Variants in FAM91A1 observed in about 807,000 individuals in gnomAD.
The protein encoded by FAM91A1 is protein FAM91A1.
FAM91A1 carries 41 observed loss-of-function variants against 113.5 expected under a neutral mutation model. The observed-to-expected ratio is 0.36, with a 90% CI of 0.28 to 0.47. FAM91A1 has a LOEUF of 0.47. Among genes scored for constraint, FAM91A1 ranks in the 20% least tolerant of loss-of-function variants. The pLI, the probability that FAM91A1 is intolerant of heterozygous loss-of-function variation, is 1.00. For synonymous variants in FAM91A1, 307 were observed against 347.9 expected, an observed-to-expected ratio of 0.88 and a Z score of 1.31; for missense variants, 696 against 1,001.2, an observed-to-expected ratio of 0.70 and a Z score of 4.11.
chr8:123,805,973 T>C (rs1815792641), intron 19 of FAM91A1, 107 bp from the exon 20 acceptor site: 2 of 1,098,032 alleles, frequency 1.8e-6, no homozygotes, highest in Non-Finnish European at 2.4e-6. Context: ...TTATGATGTA[T>C]TAAAGTATAA....
intron 22 of FAM91A1, among the ~76,000 whole-genome samples, chr8:123,809,422 A>G (rs1464919164): frequency 6.6e-6 from 1 of 152,168 alleles, no homozygotes; most frequent in East Asian, 1.9e-4. Flanking sequence ...TTTGTGGTGG[A>G]ATTATGATGA....
At chr8:123,796,639 A>G (rs1393255526) in intron 15 of FAM91A1, among the ~76,000 whole-genome samples, 1 of 151,284 alleles carries the variant, frequency 6.6e-6, no homozygotes, top group Non-Finnish European at 1.5e-5. Context: ...TTTGTATTTT[A>G]GTAGAGACGG....
intron 22 of FAM91A1, among the ~76,000 whole-genome samples, chr8:123,809,526 C>T (rs1411677681): frequency 1.3e-5 from 2 of 152,180 alleles, no homozygotes; most frequent in African/African-American, 2.4e-5. Context: ...TATACCAGCT[C>T]TGATCCATTG....
intron 6 of FAM91A1, 32 bp from the exon 7 acceptor site, chr8:123,779,953 G>A: frequency 6.3e-7 from 1 of 1,579,896 alleles, no homozygotes. Context: ...AATTTGGACA[G>A]AACTTAATTA....
intron 22 of FAM91A1, among the ~76,000 whole-genome samples, chr8:123,809,610 T>C (rs1815900997): frequency 6.6e-6 from 1 of 152,206 alleles, no homozygotes. Flanking sequence ...TATAATTGAA[T>C]CTAATTGTCA....
At chr8:123,801,918 A>G (rs1815692002) in intron 18 of FAM91A1, among the ~76,000 whole-genome samples, 1 of 152,156 alleles carries the variant, frequency 6.6e-6, no homozygotes, top group South Asian at 2.1e-4. Flanking sequence ...ATGAAGTGAC[A>G]TAACATGCCA....
Position 123,787,252 on chromosome 8 carries a change from GT to G in FAM91A1, c.1079-4del. ...CATTTACTTGATTTTAAATTATGGT[GT>G]TTTTCAGCTGACACAGCCAGTGTAA... On this transcript the variant is annotated splice_polypyrimidine_tract_variant and splice_region_variant and intron_variant, in intron 12 of 23. Transcript: ENST00000334705. The G allele has an allele frequency of 6.3e-7, 1 of 1,591,576 alleles. No homozygotes were observed. The highest frequency in any genetic ancestry group is 8.6e-7 in the Non-Finnish European group (1 of 1,165,112).
chr8:123,796,724 T>G (rs1478167403), intron 15 of FAM91A1, among the ~76,000 whole-genome samples: 1 of 148,720 alleles, frequency 6.7e-6, no homozygotes, highest in Non-Finnish European at 1.5e-5. Flanking sequence ...CCCAGAGTAC[T>G]GGGATTACAG....
At position 123,806,131 on chromosome 8, in the gene FAM91A1, A is replaced by G; in HGVS notation, c.1934A>G (p.Asn645Ser). The G allele has an allele frequency of 1.2e-6, 2 of 1,612,824 alleles. No individual in the cohort carries two copies. The highest frequency in any genetic ancestry group is 1.7e-6 in the Non-Finnish European group (2 of 1,179,324). The change falls in exon 20 of 24, where the codon AAC becomes AGC. Residue 645 changes from asparagine to serine, a missense_variant. Physicochemically the swap from Asn to Ser is conservative, Grantham distance 46. Coordinates refer to ENST00000334705, the MANE Select transcript of FAM91A1 (RefSeq NM_144963.4). ...CATAAAGCATTGCAGATACTAAGGA[A>G]CAGAGTGGACTTACAGCATCTCTGT... ...GVHKALQILR[N>S]RVDLQHLCGY...
chr8:123,789,826 T>C lies in FAM91A1; in HGVS notation c.1411+81T>C, dbSNP rs1815342328. 28 of 1,480,766 alleles carry C rather than the reference T, an allele frequency of 1.9e-5. No homozygotes were observed. The South Asian group carries it at 2.3e-4, about 12-fold the overall frequency. 91.7% of individuals were successfully genotyped at this position (1,480,766 alleles called of 1,614,324 possible). A position where few individuals can be genotyped will look rare whatever the true frequency, so the allele number is the denominator to read the frequency against. On this transcript the variant is annotated intron_variant, in intron 15 of 23. Transcript: ENST00000334705. ...AAATTAAACAGATCATGCTCACTTATATAATCATCACTTACGTATTTTGTG... is the reference window on the plus strand; with the variant it reads ...AAATTAAACAGATCATGCTCACTTACATAATCATCACTTACGTATTTTGTG...
In FAM91A1 at chr8:123,801,627, A is replaced by T. The variant is rs181494784; in HGVS notation, c.1809+1742A>T. Among the ~76,000 whole-genome samples, 322 of 152,326 alleles carry T rather than the reference A, an allele frequency of 2.1e-3. 2 individuals are homozygous for T. The highest frequency in any genetic ancestry group is 7.5e-3 in the African/African-American group (311 of 41,562). On this transcript the variant is annotated intron_variant, in intron 18 of 23. Coordinates refer to ENST00000334705, the MANE Select transcript of FAM91A1 (RefSeq NM_144963.4). ...TAAGCACTCAGTTTCAGTTTATCGA[A>T]TAGAATTACATATAGTGGAAGACTT...
chr8:123,802,489 G>A (rs1815710149), intron 18 of FAM91A1, among the ~76,000 whole-genome samples: 1 of 152,090 alleles, frequency 6.6e-6, no homozygotes, highest in East Asian at 1.9e-4. Flanking sequence ...GATATCATGG[G>A]AGGTGGTGAT....
intron 15 of FAM91A1, among the ~76,000 whole-genome samples, chr8:123,794,195 TAA>T (rs1339537093): frequency 6.6e-6 from 1 of 152,224 alleles, no homozygotes; most frequent in Non-Finnish European, 1.5e-5. Context: ...TTTTTATGAG[TAA>T]ACGTTTTGGA....
chr8:123,796,468 T>C (rs1815522838), intron 15 of FAM91A1, among the ~76,000 whole-genome samples: 1 of 151,096 alleles, frequency 6.6e-6, no homozygotes, highest in Admixed American at 6.6e-5. Flanking sequence ...GGGCTTTTTT[T>C]TTTTTTTTTT....
At chr8:123,770,369 C>A (rs1318997844) in intron 1 of FAM91A1, among the ~76,000 whole-genome samples, 2 of 152,196 alleles carry the variant, frequency 1.3e-5, no homozygotes, top group Non-Finnish European at 2.9e-5. Flanking sequence ...AATGCTTTCA[C>A]TTTAATATAG....
intron 2 of FAM91A1, among the ~76,000 whole-genome samples, 184 bp from the exon 3 acceptor site, chr8:123,774,963 C>T (rs567580067): frequency 4.7e-4 from 71 of 152,244 alleles, no homozygotes; most frequent in African/African-American, 1.7e-3. Flanking sequence ...ATTCATTTTA[C>T]TTCTATACTC....
In FAM91A1 at chr8:123,798,044, A is replaced by G. The variant is rs765633490; in HGVS notation, c.1412-46A>G. On this transcript the variant is annotated intron_variant, in intron 15 of 23. Coordinates refer to ENST00000334705, the MANE Select transcript of FAM91A1 (RefSeq NM_144963.4). Reference sequence around the variant, plus strand: ...ATTGCATCTTCAACATTTTTGTTTCACACTCTCAGTCTTTTATTCTGTGTG... The same window carrying G: ...ATTGCATCTTCAACATTTTTGTTTCGCACTCTCAGTCTTTTATTCTGTGTG... The G allele has an allele frequency of 2.6e-6, 4 of 1,532,132 alleles. No individual in the cohort carries two copies. In the African/African-American group the frequency reaches 5.6e-5, roughly 22 times the overall value. The allele number at this position is 1,532,132 out of a possible 1,614,324, so 94.9% of individuals were successfully genotyped here. A position where few individuals can be genotyped will look rare whatever the true frequency, so the allele number is the denominator to read the frequency against.
chr8:123,797,320 A>G (rs1339877338), intron 15 of FAM91A1, among the ~76,000 whole-genome samples: 5 of 152,184 alleles, frequency 3.3e-5, no homozygotes, highest in Admixed American at 6.5e-5. Flanking sequence ...TTGGTACTGT[A>G]TAGAGACATT....
intron 10 of FAM91A1, 50 bp from the exon 11 acceptor site, chr8:123,785,579 A>T (rs1563640284): frequency 1.7e-6 from 2 of 1,190,840 alleles, no homozygotes; most frequent in South Asian, 1.3e-5. Flanking sequence ...AAATATTGTG[A>T]TGTCTAGTTT....
Sources: allele counts gnomAD v4.1 joint callset (sites outside exome capture counted in the v4.1 genomes callset), GRCh38; gene constraint gnomAD v4.1.1; transcripts MANE v1.5; gene names NCBI Gene and HGNC (gene_info 2026-07-23, HGNC 2026-07-21).